The following TRANK1 variants were observed in gnomAD, a reference collection of about 807,000 sequenced individuals.
The protein encoded by TRANK1 is TPR and ankyrin repeat-containing protein 1.
TRANK1 carries 198 observed loss-of-function variants against 266.0 expected under a neutral mutation model. The observed-to-expected ratio is 0.74, with a 90% CI of 0.66 to 0.84. The LOEUF is 0.84. Among genes scored for constraint, TRANK1 ranks in the 40% least tolerant of loss-of-function variants. The pLI is 0.00. For missense variants in TRANK1, 3,326 were observed against 3,634.6 expected, an observed-to-expected ratio of 0.92 and a Z score of 2.18; for synonymous variants, 1,396 against 1,384.1, an observed-to-expected ratio of 1.01 and a Z score of -0.19.
chr3:36,851,574 C>T, intron 15 of TRANK1, 145 bp downstream of exon 15: 1 of 1,247,214 alleles, frequency 8.0e-7, no homozygotes, highest in African/African-American at 1.5e-5. Context: ...CACACAAAAC[C>T]TCATACTGAA....
At chr3:36,873,661 T>C (rs2079341985) in intron 9 of TRANK1, among the ~76,000 whole-genome samples, 1 of 152,068 alleles carries the variant, frequency 6.6e-6, no homozygotes, top group Non-Finnish European at 1.5e-5. Flanking sequence ...ACCCAACAAA[T>C]AGGACTGACA....
Position 36,895,742 on chromosome 3 carries a change from C to A in TRANK1, c.450G>T (p.Leu150Phe), listed in dbSNP as rs781015195. Residue 150 changes from leucine (L) to phenylalanine (F), a missense_variant, in exon 5 of 24, where the codon TTG becomes TTT. Coordinates refer to ENST00000645898, the MANE Select transcript of TRANK1 (RefSeq NM_001329998.2). ...GATCAAAGCAAGGCAAGAAACTTTG[C>A]AAAACAATGGAGTCACCTAAAAGAA... ...FTTMSSDSIV[L>F]QSFLPCFDHI... 9.8e-6 allele frequency: 15 copies of A among 1,533,538 alleles called. No homozygotes were observed. The East Asian group carries it at 3.2e-4, about 33-fold the overall frequency. The allele number at this position is 1,533,538 out of a possible 1,614,324, so 95.0% of individuals were successfully genotyped here.
At chr3:36,866,114 A>G (rs1164401494) in intron 9 of TRANK1, among the ~76,000 whole-genome samples, 2 of 148,238 alleles carry the variant, frequency 1.3e-5, no homozygotes, top group African/African-American at 5.0e-5. Flanking sequence ...GAAAGAAAGA[A>G]AGAGTCACCG....
chr3:36,892,872 G>GATATATATATATATATATATAT (rs71635814), intron 6 of TRANK1, 29 bp downstream of exon 6: 5 of 598,840 alleles, frequency 8.3e-6, no homozygotes, highest in Admixed American at 9.2e-5. Context: ...TATATATATA[G>GATATATATATATATATATATAT]ATATATATAG....
In TRANK1 at chr3:36,828,392, G is replaced by A. The variant is rs1427826025; in HGVS notation, c.8810-17C>T. The A allele has an allele frequency of 1.8e-5, 17 of 971,384 alleles. No homozygotes were observed. The highest frequency in any genetic ancestry group is 2.0e-5 in the Non-Finnish European group (13 of 657,050). The allele number at this position is 971,384 out of a possible 1,614,324, so 60.2% of individuals were successfully genotyped here. The stretch of plus-strand genomic sequence containing the variant: ...GAACAATACCTGAAGAAAGAAAGAA[G>A]GAAGGAAGGAAGGAAGGAAAGAAGG... On this transcript the variant is annotated splice_polypyrimidine_tract_variant and intron_variant, in intron 23 of 23. Coordinates refer to ENST00000645898, the MANE Select transcript of TRANK1 (RefSeq NM_001329998.2).
In TRANK1 at chr3:36,829,581, G is replaced by T. The variant is rs1432640275; in HGVS notation, c.8792C>A (p.Thr2931Asn). 18 of 1,613,816 alleles carry T rather than the reference G, an allele frequency of 1.1e-5. No homozygotes were observed. The highest frequency in any genetic ancestry group is 1.4e-5 in the Non-Finnish European group (17 of 1,179,902). The change falls in exon 23 of 24, where the codon ACC becomes AAC. Residue 2931 changes from threonine to asparagine, a missense_variant. Coordinates refer to ENST00000645898, the MANE Select transcript of TRANK1 (RefSeq NM_001329998.2). ...DARDWLMKTE[T>N]RLKKEGIVQE... The stretch of plus-strand genomic sequence containing the variant: ...CTCCTTACCTTCCTTCTTTAAGCGG[G>T]TCTCTGTTTTCATCAACCAGTCTCG...
Position 36,859,543 on chromosome 3 carries a change from T to G in TRANK1, c.1496-649A>C, listed in dbSNP as rs549841376. ...ATCCCTTGCTTCTACTGAGCTCCTA[T>G]TCTCAACTGCCATCTTCCCTGACAT... On this transcript the variant is annotated intron_variant, in intron 11 of 23. Transcript: ENST00000645898. Among the ~76,000 whole-genome samples the G allele has an allele frequency of 2.0e-5, 3 of 152,228 alleles. No individual in the cohort carries two copies. The East Asian group carries it at 5.8e-4, about 29-fold the overall frequency.
chr3:36,857,383 G>A lies in TRANK1; in HGVS notation c.2339C>T (p.Ala780Val), dbSNP rs771757594. 2 of 1,610,834 alleles carry A rather than the reference G, an allele frequency of 1.2e-6. No individual in the cohort carries two copies. The highest frequency in any genetic ancestry group is 1.7e-5 in the Admixed American group (1 of 59,784). The change falls in exon 13 of 24, where the codon GCC (alanine) becomes GTC (valine). Residue 780 changes from alanine to valine, a missense_variant. Transcript: ENST00000645898. The surrounding 1 kb of genome is among the most constrained non-coding windows in gnomAD (Gnocchi z 4.3). ...KDDKPTLGAG[A>V]PDCSEVGEGH... The stretch of plus-strand genomic sequence containing the variant: ...TTCCCCCACCTCACTACAGTCAGGG[G>A]CCCCTGCACCCAGAGTCGGCTTGTC...
At chr3:36,901,655 A>G (rs1471734199) in intron 3 of TRANK1, among the ~76,000 whole-genome samples, 1 of 152,210 alleles carries the variant, frequency 6.6e-6, no homozygotes, top group Admixed American at 6.5e-5. Flanking sequence ...GGCCTCAGCC[A>G]CTGAACCAAA....
chr3:36,922,022 C>CT (rs1287837394), intron 1 of TRANK1, among the ~76,000 whole-genome samples: 1 of 152,134 alleles, frequency 6.6e-6, no homozygotes, highest in Admixed American at 6.5e-5. Flanking sequence ...TGGCATGCAC[C>CT]TGTAGTTCCA....
At chr3:36,847,020 C>G (rs1230724028) in intron 16 of TRANK1, among the ~76,000 whole-genome samples, 180 bp downstream of exon 16, 2 of 152,110 alleles carry the variant, frequency 1.3e-5, no homozygotes, top group African/African-American at 4.8e-5. Context: ...CAGTTCTCTA[C>G]TAAAAAAAAT....
chr3:36,932,540 G>A (rs536502296), intron 1 of TRANK1, among the ~76,000 whole-genome samples: 1 of 152,318 alleles, frequency 6.6e-6, no homozygotes, highest in African/African-American at 2.4e-5. Flanking sequence ...TCCAGCCTAG[G>A]CAACAGAGCG....
Position 36,892,990 on chromosome 3 carries a change from G to T in TRANK1, c.553-6C>A. On this transcript the variant is annotated splice_region_variant and splice_polypyrimidine_tract_variant and intron_variant, in intron 5 of 23. Coordinates refer to ENST00000645898, the MANE Select transcript of TRANK1 (RefSeq NM_001329998.2). ...GCTGACAGAAGCAGAAATGACTGGT[G>T]GGAGAAGACAGAAAAGGCTGGAATA... The T allele has an allele frequency of 6.7e-7, 1 of 1,494,174 alleles. No homozygotes were observed. The highest frequency in any genetic ancestry group is 8.9e-7 in the Non-Finnish European group (1 of 1,128,860). 92.6% of individuals were successfully genotyped at this position (1,494,174 alleles called of 1,614,324 possible).
intron 1 of TRANK1, among the ~76,000 whole-genome samples, chr3:36,936,072 T>A (rs893998626): frequency 6.6e-6 from 1 of 152,186 alleles, no homozygotes; most frequent in Admixed American, 6.5e-5. Flanking sequence ...CAAGGTAACA[T>A]ATCCCCGTGA....
chr3:36,936,128 A>G (rs1446164997), intron 1 of TRANK1, among the ~76,000 whole-genome samples: 5 of 152,176 alleles, frequency 3.3e-5, no homozygotes, highest in African/African-American at 4.8e-5. Context: ...GCTAAGAACA[A>G]TCCTGGAGGA....
intron 11 of TRANK1, among the ~76,000 whole-genome samples, chr3:36,859,208 A>ACAC (rs1225871672): frequency 6.6e-6 from 1 of 150,522 alleles, no homozygotes. Context: ...TGAAACCCTA[A>ACAC]CACCCACCTA....
At position 36,933,731 on chromosome 3, in the gene TRANK1, C is replaced by T. The variant is rs181054768; in HGVS notation, c.23+11056G>A. On this transcript the variant is annotated intron_variant, in intron 1 of 23. Transcript: ENST00000645898. The stretch of plus-strand genomic sequence containing the variant: ...GTAATCCCTGCAACATTTACAGAAC[C>T]TTTGCTTTGTTTACCCAGTGAGGAG... 2.3e-4 allele frequency among the ~76,000 whole-genome samples: 35 copies of T among 152,338 alleles called. No homozygotes were observed. The East Asian group carries it at 5.2e-3, about 23-fold the overall frequency.
chr3:36,861,007 T>G lies in TRANK1; in HGVS notation c.1394A>C (p.Asp465Ala), dbSNP rs533546827. The change falls in exon 11 of 24, where the codon GAC becomes GCC. Residue 465 changes from aspartate to alanine, a missense_variant. Coordinates refer to ENST00000645898, the MANE Select transcript of TRANK1 (RefSeq NM_001329998.2). ...GATGTCGAGGTCTGAGAAGTTGCAG[T>G]CTTTGATGAGGCAATCCCCAAGCGG... ...EPPLGDCLIK[D>A]CNFSDLDICT... The G allele has an allele frequency of 4.7e-5, 72 of 1,537,738 alleles. No homozygotes were observed. Among genetic ancestry groups the G allele is most frequent in the Non-Finnish European group, 5.8e-5 (67 of 1,147,060 alleles).
In TRANK1 at chr3:36,874,259, C is replaced by T; in HGVS notation, c.945G>A (p.Gly315=). The T allele has an allele frequency of 6.5e-7, 1 of 1,537,064 alleles. No individual in the cohort carries two copies. Among genetic ancestry groups the T allele is most frequent in the Non-Finnish European group, 8.7e-7 (1 of 1,146,842 alleles). ...GTCGATCCAGCAAAGTGGGATCTGC[C>T]CCAAAGCGCAGGAGCATCTGCACAT... ...TEDVQMLLRF[G]ADPTLLDRQS... is the part of the protein sequence containing the mutation. Residue 315 remains glycine, a synonymous_variant, in exon 9 of 24, where the codon GGG becomes GGA. Transcript: ENST00000645898.
Sources: gnomAD v4.1 joint callset for allele counts (sites outside exome capture counted in the v4.1 genomes callset) on GRCh38, gnomAD v4.1.1 for gene constraint, Gnocchi (gnomAD v3.1) non-coding constraint, MANE v1.5 for transcripts, NCBI Gene and HGNC (gene_info 2026-07-23, HGNC 2026-07-21) for gene names.